The following ASTN2 variants were observed in gnomAD, a reference collection of about 807,000 sequenced individuals.
ASTN2 encodes the protein astrotactin-2.
ASTN2 carries 54 observed loss-of-function variants against 139.8 expected under a neutral mutation model. That is an observed-to-expected ratio of 0.39 (90% CI 0.31 to 0.48). The LOEUF is 0.48. ASTN2 is among the 20% of genes least tolerant of loss of function. The pLI is 0.95. For missense variants in ASTN2, 1,565 were observed against 1,725.1 expected (o/e 0.91, Z 1.64); for synonymous variants, 756 against 719.5 (o/e 1.05, Z -0.81).
At chr9:117,387,036 C>G (rs937524302) in intron 1 of ASTN2, among the ~76,000 whole-genome samples, 7 of 152,160 alleles carry the variant, frequency 4.6e-5, no homozygotes, top group African/African-American at 1.7e-4. Flanking sequence ...TCACAGTCTA[C>G]ACCCTGTTGA....
At chr9:116,596,425 T>C (rs1854581071) in intron 19 of ASTN2, among the ~76,000 whole-genome samples, 1 of 152,162 alleles carries the variant, frequency 6.6e-6, no homozygotes, top group African/African-American at 2.4e-5. Context: ...CTAGATGTCA[T>C]GTTAAGTGTT....
intron 19 of ASTN2, among the ~76,000 whole-genome samples, chr9:116,512,161 A>T (rs1850417940): frequency 1.3e-5 from 2 of 152,188 alleles, no homozygotes; most frequent in Non-Finnish European, 2.9e-5. Flanking sequence ...TCTCCCTCAC[A>T]CACTGCTTTA....
chr9:117,397,854 GAA>G (rs1830717010), intron 1 of ASTN2, among the ~76,000 whole-genome samples: 2 of 152,136 alleles, frequency 1.3e-5, no homozygotes, highest in Non-Finnish European at 2.9e-5. Context: ...TAACGAAGAA[GAA>G]GAGAAGCACT....
At chr9:116,934,094 A>G (rs905796759) in intron 10 of ASTN2, among the ~76,000 whole-genome samples, 3 of 150,746 alleles carry the variant, frequency 2.0e-5, no homozygotes, top group South Asian at 2.1e-4. Flanking sequence ...TTAAAAACCA[A>G]TCCAGATGCA....
intron 19 of ASTN2, among the ~76,000 whole-genome samples, chr9:116,568,270 G>T (rs1454181350): frequency 6.6e-6 from 1 of 152,186 alleles, no homozygotes; most frequent in Non-Finnish European, 1.5e-5. Flanking sequence ...AGGATGCTTT[G>T]CATTTCAATT....
At chr9:116,903,127 C>T (rs1414041491) in intron 10 of ASTN2, among the ~76,000 whole-genome samples, 1 of 152,052 alleles carries the variant, frequency 6.6e-6, no homozygotes, top group African/African-American at 2.4e-5. Flanking sequence ...TTTATTTGCC[C>T]AAATACTGTA....
At chr9:116,924,979 C>G (rs1162038132) in intron 10 of ASTN2, among the ~76,000 whole-genome samples, 1 of 152,136 alleles carries the variant, frequency 6.6e-6, no homozygotes, top group African/African-American at 2.4e-5. Context: ...TAGTATACGA[C>G]TTCCAAACAA....
chr9:116,921,360 G>A (rs148222027), intron 10 of ASTN2, among the ~76,000 whole-genome samples: 32 of 152,078 alleles, frequency 2.1e-4, no homozygotes, highest in Admixed American at 1.1e-3. Context: ...AGGCTGAGGC[G>A]GGCGGATCAC....
intron 16 of ASTN2, among the ~76,000 whole-genome samples, chr9:116,722,152 A>G (rs1272705214): frequency 6.6e-6 from 1 of 152,204 alleles, no homozygotes; most frequent in Non-Finnish European, 1.5e-5. Context: ...AAAGTCTGTA[A>G]CAAAAATGAT....
chr9:116,990,182 T>A (rs200686458), intron 7 of ASTN2, among the ~76,000 whole-genome samples: 1 of 151,358 alleles, frequency 6.6e-6, no homozygotes, highest in East Asian at 1.9e-4. Context: ...AAATAAGACA[T>A]GGCACATAAA....
chr9:116,827,190 T>G (rs1831656828), intron 11 of ASTN2, among the ~76,000 whole-genome samples: 1 of 151,286 alleles, frequency 6.6e-6, no homozygotes, highest in Admixed American at 6.6e-5. Context: ...ATGCCTGTAA[T>G]CTCAGCTACT....
chr9:117,226,279 C>G (rs1832709669), intron 2 of ASTN2, among the ~76,000 whole-genome samples: 1 of 152,074 alleles, frequency 6.6e-6, no homozygotes, highest in Non-Finnish European at 1.5e-5. Flanking sequence ...GGTTTGAGTA[C>G]CTGTGCTGTC....
chr9:116,722,229 T>C (rs889170008), intron 16 of ASTN2, among the ~76,000 whole-genome samples: 1 of 151,140 alleles, frequency 6.6e-6, no homozygotes, highest in African/African-American at 2.4e-5. Flanking sequence ...ATCTTCTTTA[T>C]TTGGTGCCAC....
chr9:117,055,926 G>T (rs1208453008), intron 5 of ASTN2, among the ~76,000 whole-genome samples: 2 of 152,222 alleles, frequency 1.3e-5, no homozygotes, highest in African/African-American at 4.8e-5. Flanking sequence ...CTTCCATTTA[G>T]CTCACACTCT....
intron 13 of ASTN2, among the ~76,000 whole-genome samples, chr9:116,800,165 T>C (rs1444787907): frequency 1.3e-5 from 2 of 152,160 alleles, no homozygotes; most frequent in Admixed American, 6.5e-5. Context: ...CTTGCACACA[T>C]TTCCCCCTTC....
intron 20 of ASTN2, among the ~76,000 whole-genome samples, chr9:116,475,358 T>TA (rs1848944972): frequency 6.6e-6 from 1 of 152,122 alleles, no homozygotes; most frequent in Non-Finnish European, 1.5e-5. Flanking sequence ...AGTTCCTCCT[T>TA]ACAAAGCATG....
At chr9:116,780,029 A>ACATT (rs751227999) in intron 13 of ASTN2, among the ~76,000 whole-genome samples, 26 of 152,216 alleles carry the variant, frequency 1.7e-4, no homozygotes, top group Middle Eastern at 3.2e-3. Flanking sequence ...CTCTCATCAC[A>ACATT]CATTCATTCA....
At chr9:117,138,791 A>G (rs1830009279) in intron 4 of ASTN2, among the ~76,000 whole-genome samples, 1 of 152,188 alleles carries the variant, frequency 6.6e-6, no homozygotes, top group African/African-American at 2.4e-5. Flanking sequence ...TTAACTTAAA[A>G]CAGACTTTTA....
intron 7 of ASTN2, among the ~76,000 whole-genome samples, chr9:116,981,518 A>T (rs527462106): frequency 6.6e-6 from 1 of 152,366 alleles, no homozygotes; most frequent in East Asian, 1.9e-4. Flanking sequence ...CAGTTTCATT[A>T]TTCAGAAGAG....
Sources: gnomAD v4.1 joint callset for allele counts (sites outside exome capture counted in the v4.1 genomes callset) on GRCh38, gnomAD v4.1.1 for gene constraint, MANE v1.5 for transcripts, NCBI Gene and HGNC (gene_info 2026-07-23, HGNC 2026-07-21) for gene names.